The following MAML3 variants were observed in gnomAD, a reference collection of about 807,000 sequenced individuals.
MAML3 encodes mastermind-like protein 3.
Under a neutral mutation model 101.9 loss-of-function variants are expected in MAML3, and 27 were observed. The observed-to-expected ratio is 0.27, with a 90% CI of 0.20 to 0.37. The LOEUF is 0.37. Ranked by LOEUF, MAML3 falls within the 10% of genes least tolerant of loss-of-function variation. The probability of loss-of-function intolerance (pLI) is 1.00; values close to 1 mark genes in which losing one functional copy is unlikely to be tolerated. For synonymous variants in MAML3, 501 were observed against 555.9 expected (o/e 0.90, Z 1.39); for missense variants, 1,316 against 1,444.9 (o/e 0.91, Z 1.45).
intron 1 of MAML3, among the ~76,000 whole-genome samples, chr4:140,008,766 GCA>G (rs1488799440): frequency 6.6e-6 from 1 of 151,976 alleles, no homozygotes; most frequent in Non-Finnish European, 1.5e-5. Flanking sequence ...TTATACACGC[GCA>G]CACACAAACA....
chr4:140,056,867 G>A (rs1423944016), intron 1 of MAML3, among the ~76,000 whole-genome samples: 1 of 151,626 alleles, frequency 6.6e-6, no homozygotes, highest in African/African-American at 2.4e-5. Context: ...AAACCAATCA[G>A]GAGTTACAAT....
intron 2 of MAML3, among the ~76,000 whole-genome samples, chr4:139,780,330 G>C (rs769853300): frequency 3.3e-5 from 5 of 152,172 alleles, no homozygotes; most frequent in Non-Finnish European, 5.9e-5. Context: ...GTAAAGAAGA[G>C]AATTGGGTGT....
intron 2 of MAML3, among the ~76,000 whole-genome samples, chr4:139,869,337 C>T (rs1731959042): frequency 6.6e-6 from 1 of 150,588 alleles, no homozygotes; most frequent in African/African-American, 2.5e-5. Flanking sequence ...TCTATGTTCT[C>T]AAGGACCCAA....
intron 2 of MAML3, among the ~76,000 whole-genome samples, chr4:139,832,685 AG>A (rs111705846): frequency 0.026 from 3,904 of 152,324 alleles, 125 homozygotes; most frequent in African/African-American, 0.078. Flanking sequence ...CTCAAAAGTA[AG>A]GATGTACAAA....
chr4:140,149,552 C>T (rs1480908934), intron 1 of MAML3, among the ~76,000 whole-genome samples: 1 of 152,170 alleles, frequency 6.6e-6, no homozygotes, highest in Non-Finnish European at 1.5e-5. Flanking sequence ...CCAAGCGAGG[C>T]AGAAAGATAA....
chr4:139,935,635 GT>G (rs1733492613), intron 1 of MAML3, among the ~76,000 whole-genome samples: 1 of 127,794 alleles, frequency 7.8e-6, no homozygotes, highest in African/African-American at 3.5e-5. Flanking sequence ...CTTTCCTAGG[GT>G]TTTTTTGTTT....
At position 140,091,537 on chromosome 4, in the gene MAML3, C is replaced by CAAAAAAAAAAAAAAAAAAAA. The variant is rs570700966; in HGVS notation, c.468+61322_468+61323insTTTTTTTTTTTTTTTTTTTT. Among the ~76,000 whole-genome samples, 100 of 71,610 alleles carry CAAAAAAAAAAAAAAAAAAAA rather than the reference C, an allele frequency of 1.4e-3. 2 individuals are homozygous for CAAAAAAAAAAAAAAAAAAAA. The highest frequency in any genetic ancestry group is 2.1e-3 in the Non-Finnish European group (77 of 36,582). 47.0% of individuals were successfully genotyped at this position (71,610 alleles called of 152,430 possible). ...TGTAAAACAAAACAAAACAACAAAACAAAAACAAAACAAAAAAAAAAAACA... is the reference window on the plus strand; with the variant it reads ...TGTAAAACAAAACAAAACAACAAAACAAAAAAAAAAAAAAAAAAAAAAAAACAAAACAAAAAAAAAAAACA... On this transcript the variant is annotated intron_variant, in intron 1 of 4. Coordinates refer to ENST00000509479, the MANE Select transcript of MAML3 (RefSeq NM_018717.5).
intron 2 of MAML3, among the ~76,000 whole-genome samples, chr4:139,887,486 T>C (rs1476162938): frequency 6.6e-6 from 1 of 152,192 alleles, no homozygotes; most frequent in Non-Finnish European, 1.5e-5. Context: ...AAACATGACC[T>C]CTGCAGCTAC....
intron 2 of MAML3, among the ~76,000 whole-genome samples, chr4:139,869,998 T>C (rs1294295701): frequency 6.6e-6 from 1 of 152,234 alleles, no homozygotes; most frequent in East Asian, 1.9e-4. Context: ...GTGTTGACCA[T>C]ATGACCTTAA....
At chr4:139,841,474 G>T (rs1731359489) in intron 2 of MAML3, among the ~76,000 whole-genome samples, 1 of 152,236 alleles carries the variant, frequency 6.6e-6, no homozygotes, top group Non-Finnish European at 1.5e-5. Flanking sequence ...GCCTTGCCTT[G>T]CTGCTTCCAA....
chr4:140,141,706 A>C (rs17005563), intron 1 of MAML3, among the ~76,000 whole-genome samples: 5,707 of 152,276 alleles, frequency 0.037, 326 homozygotes, highest in African/African-American at 0.13. Context: ...AAGATGTGTT[A>C]TTTGCCAAAT....
At chr4:140,006,832 C>T (rs1473286734) in intron 1 of MAML3, among the ~76,000 whole-genome samples, 2 of 152,092 alleles carry the variant, frequency 1.3e-5, no homozygotes, top group African/African-American at 4.8e-5. Context: ...ATAGCAAAGA[C>T]TTACATAGAG....
intron 1 of MAML3, among the ~76,000 whole-genome samples, chr4:140,024,417 G>A (rs1726787121): frequency 6.6e-6 from 1 of 152,052 alleles, no homozygotes; most frequent in Non-Finnish European, 1.5e-5. Context: ...TAACAGAGAT[G>A]GGTGCCTCAC....
At chr4:140,103,818 C>A (rs1329866700) in intron 1 of MAML3, among the ~76,000 whole-genome samples, 1 of 152,082 alleles carries the variant, frequency 6.6e-6, no homozygotes, top group Non-Finnish European at 1.5e-5. Context: ...GAAGCCTTAC[C>A]AGCTAAGCCT....
chr4:139,879,525 G>GAAAAAA (rs5862443), intron 2 of MAML3, among the ~76,000 whole-genome samples: 2 of 115,654 alleles, frequency 1.7e-5, no homozygotes, highest in African/African-American at 3.5e-5. Flanking sequence ...GGCTCTGACT[G>GAAAAAA]AAAAAAAAAA....
intron 2 of MAML3, among the ~76,000 whole-genome samples, chr4:139,798,034 G>GAGAAAGAAAGAAAGAA (rs60781175): frequency 1.0e-4 from 13 of 124,468 alleles, no homozygotes; most frequent in East Asian, 2.3e-4. Context: ...AGGAGAGAGA[G>GAGAAAGAAAGAAAGAA]AGAAAGAAAG....
intron 1 of MAML3, among the ~76,000 whole-genome samples, chr4:140,053,661 A>G (rs72712601): frequency 0.011 from 1,733 of 152,308 alleles, 13 homozygotes; most frequent in Non-Finnish European, 0.017. Flanking sequence ...TTTTTTCTGT[A>G]AAGAGCCATT....
chr4:139,845,014 C>A (rs1285293426), intron 2 of MAML3, among the ~76,000 whole-genome samples: 1 of 152,004 alleles, frequency 6.6e-6, no homozygotes, highest in Non-Finnish European at 1.5e-5. Context: ...CTGTCTCTCT[C>A]TCTCTCTCTC....
chr4:139,958,086 A>G (rs1346322350), intron 1 of MAML3, among the ~76,000 whole-genome samples: 1 of 152,228 alleles, frequency 6.6e-6, no homozygotes, highest in Non-Finnish European at 1.5e-5. Context: ...CTTGATAACA[A>G]AAATAAAATG....
Sources: allele counts gnomAD v4.1 joint callset (sites outside exome capture counted in the v4.1 genomes callset), GRCh38; gene constraint gnomAD v4.1.1; transcripts MANE v1.5; gene names NCBI Gene and HGNC (gene_info 2026-07-23, HGNC 2026-07-21).